The following MYT1L variants were observed in gnomAD, a reference collection of about 807,000 sequenced individuals.
The protein encoded by MYT1L is myelin transcription factor 1-like protein.
In MYT1L, 12 loss-of-function variants were observed where a neutral mutation model predicts 126.7. That is an observed-to-expected ratio of 0.09 (90% CI 0.06 to 0.15). The LOEUF is 0.15. Among genes scored for constraint, MYT1L ranks in the 10% least tolerant of loss-of-function variants. MYT1L has a pLI of 1.00. For missense variants in MYT1L, 979 were observed against 1,585.2 expected (o/e 0.62, Z 6.49); for synonymous variants, 541 against 604.2 (o/e 0.90, Z 1.53).
At position 1,791,593 on chromosome 2, in the gene MYT1L, T is replaced by A; in HGVS notation, c.*274A>T. ...CAGCTTACCTCTTCAGAAATAGATA[T>A]ACCCCCAAATGTGCATACATCAGCA... On this transcript the variant is annotated 3_prime_UTR_variant, in exon 25 of 25. Coordinates refer to ENST00000647738, the MANE Select transcript of MYT1L (RefSeq NM_001303052.2). This position sits in a 1 kb window ranked among gnomAD's most constrained non-coding sequence, Gnocchi z 6.0. 2.4e-6 allele frequency: 1 copy of A among 423,734 alleles called. No homozygotes were observed. The highest frequency in any genetic ancestry group is 4.5e-5 in the East Asian group (1 of 22,266). 26.2% of individuals were successfully genotyped at this position (423,734 alleles called of 1,614,324 possible).
chr2:2,216,049 C>G (rs1026390890), intron 2 of MYT1L, among the ~76,000 whole-genome samples: 52 of 152,154 alleles, frequency 3.4e-4, no homozygotes, highest in African/African-American at 1.2e-3. Flanking sequence ...GTCTGTCTCT[C>G]TCTCTCTCTC....
chr2:1,834,269 G>C (rs533595888), intron 21 of MYT1L, among the ~76,000 whole-genome samples: 5 of 152,334 alleles, frequency 3.3e-5, no homozygotes, highest in African/African-American at 9.6e-5. Context: ...TGCTAACCAG[G>C]TTTGGGAAAA....
At chr2:1,920,311 C>A (rs886673795) in intron 10 of MYT1L, among the ~76,000 whole-genome samples, 2 of 152,126 alleles carry the variant, frequency 1.3e-5, no homozygotes, top group African/African-American at 4.8e-5. Flanking sequence ...AACAAAACAA[C>A]AAAACAAAAA....
intron 8 of MYT1L, among the ~76,000 whole-genome samples, chr2:1,969,843 G>T (rs1010814399): frequency 1.3e-5 from 2 of 152,150 alleles, no homozygotes; most frequent in East Asian, 1.9e-4. Flanking sequence ...GGAGCAGAAG[G>T]CCTGAGTTAA....
In MYT1L at chr2:1,809,033, C is replaced by G. The variant is rs761550386; in HGVS notation, c.3172+43G>C. ...AGCTGGCATGGCCGTGCCCGCTGGGCCTTCCTGACCATGGGTGCCACGAGG... is the reference window on the plus strand; with the variant it reads ...AGCTGGCATGGCCGTGCCCGCTGGGGCTTCCTGACCATGGGTGCCACGAGG... On this transcript the variant is annotated intron_variant, in intron 22 of 24. Transcript: ENST00000647738. 4 of 1,585,106 alleles carry G rather than the reference C, an allele frequency of 2.5e-6. No homozygotes were observed. In the South Asian group the frequency reaches 4.4e-5, roughly 18 times the overall value.
chr2:1,795,053 C>CA (rs1374313585), intron 23 of MYT1L, among the ~76,000 whole-genome samples: 1 of 152,192 alleles, frequency 6.6e-6, no homozygotes, highest in East Asian at 1.9e-4. Flanking sequence ...CCTGCATCTC[C>CA]AGCCCACACA....
intron 2 of MYT1L, among the ~76,000 whole-genome samples, chr2:2,255,487 G>A (rs902405704): frequency 3.3e-5 from 5 of 152,082 alleles, no homozygotes; most frequent in African/African-American, 1.2e-4. Context: ...GGGGAGAAAG[G>A]AGCCACACGG....
chr2:1,936,454 C>A (rs1382354181), intron 9 of MYT1L, among the ~76,000 whole-genome samples: 1 of 152,200 alleles, frequency 6.6e-6, no homozygotes, highest in African/African-American at 2.4e-5. Context: ...CGTAGCTGCA[C>A]ATGCCATGTC....
In MYT1L at chr2:1,912,230, T is replaced by C. The variant is rs1305950799; in HGVS notation, c.1619-120A>G. 3 of 588,860 alleles carry C rather than the reference T, an allele frequency of 5.1e-6. No individual in the cohort carries two copies. The highest frequency in any genetic ancestry group is 8.6e-6 in the Non-Finnish European group (3 of 350,740). The allele number at this position is 588,860 out of a possible 1,614,324, so 36.5% of individuals were successfully genotyped here. A position where few individuals can be genotyped will look rare whatever the true frequency, so the allele number is the denominator to read the frequency against. On this transcript the variant is annotated intron_variant, in intron 11 of 24. Transcript: ENST00000647738. This position sits in a 1 kb window ranked among gnomAD's most constrained non-coding sequence, Gnocchi z 4.3. ...TCATGATAGACAGTCCTACAAACGT[T>C]TGTGATGGGCATGGCCAGGAAAACA... is the stretch of plus-strand genomic sequence containing the variant.
At chr2:2,017,613 T>C (rs1435993961) in intron 4 of MYT1L, among the ~76,000 whole-genome samples, 4 of 152,220 alleles carry the variant, frequency 2.6e-5, no homozygotes, top group Non-Finnish European at 4.4e-5. Flanking sequence ...ACAAGTATTA[T>C]GAAGACTTTG....
At position 2,185,839 on chromosome 2, in the gene MYT1L, G is replaced by A. The variant is rs1241996256; in HGVS notation, c.-420-12851C>T. On this transcript the variant is annotated intron_variant, in intron 2 of 24. Transcript: ENST00000647738. The stretch of plus-strand genomic sequence containing the variant: ...CCCGAGTCCCGCGTTCCTTCTGTGA[G>A]GGGGACGCAGCCGGGCCTCCCAGAC... 7.4e-5 allele frequency among the ~76,000 whole-genome samples: 10 copies of A among 134,970 alleles called. 1 individual carries two copies. The highest frequency in any genetic ancestry group is 2.9e-4 in the African/African-American group (10 of 34,190). The allele number at this position is 134,970 out of a possible 152,430, so 88.5% of individuals were successfully genotyped here.
intron 4 of MYT1L, among the ~76,000 whole-genome samples, chr2:2,047,983 C>T (rs146291525): frequency 1.5e-4 from 23 of 152,230 alleles, no homozygotes; most frequent in African/African-American, 5.1e-4. Flanking sequence ...TGTAGAGGTA[C>T]CTCCTTCAAG....
At position 1,889,709 on chromosome 2, in the gene MYT1L, G is replaced by T. The variant is rs572187888; in HGVS notation, c.2284-232C>A. ...GTTGGAGAATCCAGGCATCCATCCC[G>T]CCATCCCTCTCTCCCTCCCTCCCTC... is the stretch of plus-strand genomic sequence containing the variant. On this transcript the variant is annotated intron_variant, in intron 15 of 24. Coordinates refer to ENST00000647738, the MANE Select transcript of MYT1L (RefSeq NM_001303052.2). This position sits in a 1 kb window ranked among gnomAD's most constrained non-coding sequence, Gnocchi z 4.1. Among the ~76,000 whole-genome samples, 3 of 152,056 alleles carry T rather than the reference G, an allele frequency of 2.0e-5. No individual in the cohort carries two copies. Among genetic ancestry groups the T allele is most frequent in the Non-Finnish European group, 4.4e-5 (3 of 67,990 alleles).
chr2:2,153,808 C>A (rs776351378), intron 3 of MYT1L, among the ~76,000 whole-genome samples: 6 of 152,074 alleles, frequency 3.9e-5, no homozygotes, highest in Non-Finnish European at 8.8e-5. Context: ...GGCTCGCCAG[C>A]AGCTGGTGTC....
At chr2:2,048,909 T>C (rs1345905596) in intron 4 of MYT1L, among the ~76,000 whole-genome samples, 1 of 152,218 alleles carries the variant, frequency 6.6e-6, no homozygotes, top group African/African-American at 2.4e-5. Context: ...CCTGTGACTT[T>C]GATAACACAA....
chr2:1,858,127 G>A (rs12714317), intron 18 of MYT1L, among the ~76,000 whole-genome samples: 2,658 of 152,336 alleles, frequency 0.017, 45 homozygotes, highest in Non-Finnish European at 0.03. Flanking sequence ...GCCTCCCAAA[G>A]TGCTGGGATT....
At chr2:1,831,183 G>GCTCTGCTCCGAGGACCCCTGGCTCCCCC (rs2040119725) in intron 21 of MYT1L, among the ~76,000 whole-genome samples, 1 of 149,126 alleles carries the variant, frequency 6.7e-6, no homozygotes. Context: ...TCCAGATGGA[G>GCTCTGCTCCGAGGACCCCTGGCTCCCCC]CAGATGGAGC....
Position 1,979,652 on chromosome 2 carries a change from A to G in MYT1L, c.55+71T>C. 6 of 1,604,858 alleles carry G rather than the reference A, an allele frequency of 3.7e-6. No individual in the cohort carries two copies. The South Asian group carries it at 6.6e-5, about 18-fold the overall frequency. ...AAGGGTGGCATGAAAGTGGGGTCAG[A>G]ATCGACCTCAGTTCCGCAGGATGAA... On this transcript the variant is annotated intron_variant, in intron 6 of 24. Coordinates refer to ENST00000647738, the MANE Select transcript of MYT1L (RefSeq NM_001303052.2). The surrounding 1 kb of genome is among the most constrained non-coding windows in gnomAD (Gnocchi z 4.0).
chr2:2,305,661 G>A (rs561531254), intron 1 of MYT1L, among the ~76,000 whole-genome samples: 1 of 152,136 alleles, frequency 6.6e-6, no homozygotes, highest in Non-Finnish European at 1.5e-5. Context: ...AGCTCCACAG[G>A]CTGTACAGGA....
Sources: gnomAD v4.1 joint callset for allele counts (sites outside exome capture counted in the v4.1 genomes callset) on GRCh38, gnomAD v4.1.1 for gene constraint, Gnocchi (gnomAD v3.1) non-coding constraint, MANE v1.5 for transcripts, NCBI Gene and HGNC (gene_info 2026-07-23, HGNC 2026-07-21) for gene names.